The following SLC39A11 variants were observed in gnomAD, a reference collection of about 807,000 sequenced individuals.
SLC39A11 encodes solute carrier family 39 member 11.
In SLC39A11, 33 loss-of-function variants were observed where a neutral mutation model predicts 36.1. The observed-to-expected ratio is 0.91, with a 90% CI of 0.69 to 1.22. The LOEUF is 1.22. SLC39A11 is among the 50% of genes most tolerant of loss of function. The pLI is 0.00. For synonymous variants in SLC39A11, 166 were observed against 170.3 expected (o/e 0.97, Z 0.20); for missense variants, 432 against 430.3 (o/e 1.00, Z -0.03).
At chr17:72,730,627 T>C (rs1312460996) in intron 7 of SLC39A11, among the ~76,000 whole-genome samples, 2 of 152,186 alleles carry the variant, frequency 1.3e-5, no homozygotes, top group Admixed American at 6.5e-5. Context: ...TATACCTCTC[T>C]CTCTCATTAG....
chr17:72,868,478 G>A (rs1288652083), intron 5 of SLC39A11, among the ~76,000 whole-genome samples: 1 of 151,942 alleles, frequency 6.6e-6, no homozygotes, highest in Non-Finnish European at 1.5e-5. Context: ...TCAAAAATGT[G>A]TCTACGGAAA....
intron 7 of SLC39A11, among the ~76,000 whole-genome samples, chr17:72,731,510 A>T (rs185161846): frequency 1.6e-4 from 24 of 149,528 alleles, no homozygotes; most frequent in Non-Finnish European, 3.0e-4. Flanking sequence ...AAGTATTAAA[A>T]AGTGCTTTCA....
At chr17:72,811,124 AAC>A (rs1330879060) in intron 6 of SLC39A11, among the ~76,000 whole-genome samples, 12 of 152,316 alleles carry the variant, frequency 7.9e-5, no homozygotes, top group Non-Finnish European at 1.0e-4. Context: ...GCAGCTTACA[AAC>A]AACAATTGTT....
intron 6 of SLC39A11, among the ~76,000 whole-genome samples, chr17:72,840,620 G>A (rs145203782): frequency 2.4e-3 from 365 of 152,320 alleles, no homozygotes; most frequent in African/African-American, 7.7e-3. Context: ...TTAGATGGGC[G>A]TGGTGGTGGG....
chr17:72,751,563 C>A (rs913149534), intron 6 of SLC39A11, among the ~76,000 whole-genome samples: 2 of 152,128 alleles, frequency 1.3e-5, no homozygotes, highest in South Asian at 4.1e-4. Context: ...GCCATCGCCA[C>A]CACCCATCTC....
chr17:73,026,109 T>G (rs2058527146), intron 4 of SLC39A11, among the ~76,000 whole-genome samples: 1 of 140,278 alleles, frequency 7.1e-6, no homozygotes, highest in African/African-American at 2.7e-5. Context: ...CAGAGGAAGA[T>G]CCACCTCGGA....
intron 6 of SLC39A11, among the ~76,000 whole-genome samples, chr17:72,759,836 C>A (rs1700092101): frequency 6.6e-6 from 1 of 152,112 alleles, no homozygotes; most frequent in Admixed American, 6.5e-5. Context: ...GTATAAAGAA[C>A]TAACCAAGAG....
At chr17:73,013,550 C>T (rs572317863) in intron 4 of SLC39A11, among the ~76,000 whole-genome samples, 1 of 152,326 alleles carries the variant, frequency 6.6e-6, no homozygotes, top group African/African-American at 2.4e-5. Flanking sequence ...CTGACTTGGC[C>T]CTCAGGCTGT....
At chr17:73,062,292 T>A (rs1014139012) in intron 3 of SLC39A11, among the ~76,000 whole-genome samples, 1 of 150,780 alleles carries the variant, frequency 6.6e-6, no homozygotes, top group Non-Finnish European at 1.5e-5. Flanking sequence ...AAACCCCATC[T>A]CTATAAAAAA....
chr17:72,856,655 G>A (rs923947031), intron 5 of SLC39A11, among the ~76,000 whole-genome samples: 1 of 151,822 alleles, frequency 6.6e-6, no homozygotes, highest in African/African-American at 2.4e-5. Context: ...ATTTTCTCAG[G>A]CAATTGTCTC....
At chr17:72,949,809 T>C (rs183042368) in intron 4 of SLC39A11, among the ~76,000 whole-genome samples, 41 of 152,118 alleles carry the variant, frequency 2.7e-4, no homozygotes, top group African/African-American at 9.6e-4. Context: ...ATTTAAAACA[T>C]GTGTCTCTAA....
At chr17:72,665,715 A>T (rs1323821720) in intron 7 of SLC39A11, among the ~76,000 whole-genome samples, 1 of 152,110 alleles carries the variant, frequency 6.6e-6, no homozygotes, top group East Asian at 1.9e-4. Flanking sequence ...TTACGCAGCA[A>T]TAAGTAACTA....
chr17:72,693,731 C>T (rs979394435), intron 7 of SLC39A11, among the ~76,000 whole-genome samples: 9 of 152,152 alleles, frequency 5.9e-5, no homozygotes, highest in African/African-American at 1.9e-4. Flanking sequence ...GGCGCAATCT[C>T]GGCTCACTCC....
In SLC39A11 at chr17:72,880,371, C is replaced by A. The variant is rs1003861632; in HGVS notation, c.431-30567G>T. 5.2e-4 allele frequency among the ~76,000 whole-genome samples: 79 copies of A among 152,068 alleles called. 1 individual carries two copies. The highest frequency in any genetic ancestry group is 7.4e-5 in the Non-Finnish European group (5 of 68,026). On this transcript the variant is annotated intron_variant, in intron 5 of 9. Transcript: ENST00000255559. ...ATCGCTTGAGCCTAGGAGTCTGAGA[C>A]CAGCCTGGGCAACATGGTGAAACCC... is the stretch of plus-strand genomic sequence containing the variant.
intron 6 of SLC39A11, among the ~76,000 whole-genome samples, chr17:72,826,465 G>A (rs2078032231): frequency 6.6e-6 from 1 of 152,138 alleles, no homozygotes; most frequent in South Asian, 2.1e-4. Context: ...TTTAGGGAAG[G>A]GCTTATTAAA....
intron 5 of SLC39A11, among the ~76,000 whole-genome samples, chr17:72,888,238 C>T (rs965360343): frequency 6.6e-6 from 1 of 151,714 alleles, no homozygotes; most frequent in African/African-American, 2.4e-5. Context: ...ATTTTAAGCT[C>T]GAATAAATTA....
chr17:72,683,236 G>A (rs11658711), intron 7 of SLC39A11, among the ~76,000 whole-genome samples: 79,442 of 151,888 alleles, frequency 0.52, 22,196 homozygotes, highest in South Asian at 0.64. Context: ...AGGATGAACC[G>A]AAAAATGGAT....
At chr17:72,797,384 A>G (rs544324993) in intron 6 of SLC39A11, among the ~76,000 whole-genome samples, 1 of 152,202 alleles carries the variant, frequency 6.6e-6, no homozygotes, top group Non-Finnish European at 1.5e-5. Flanking sequence ...GAATAGAGTA[A>G]CTACTGGCAG....
At chr17:72,956,616 C>A (rs1315673198) in intron 4 of SLC39A11, among the ~76,000 whole-genome samples, 1 of 152,124 alleles carries the variant, frequency 6.6e-6, no homozygotes, top group Admixed American at 6.5e-5. Flanking sequence ...GATGATTATC[C>A]AACACTCTTA....
Sources: gnomAD v4.1 joint callset for allele counts (sites outside exome capture counted in the v4.1 genomes callset) on GRCh38, gnomAD v4.1.1 for gene constraint, MANE v1.5 for transcripts, NCBI Gene and HGNC (gene_info 2026-07-23, HGNC 2026-07-21) for gene names.